Variants in AR observed in about 807,000 individuals in gnomAD.
AR encodes the protein androgen receptor.
A neutral mutation model predicts 53.9 loss-of-function variants in AR; 8 were observed. The observed-to-expected ratio is 0.15, with a 90% CI of 0.09 to 0.27. The LOEUF (loss-of-function observed/expected upper bound fraction) is 0.27. AR is among the 10% of genes least tolerant of loss of function. AR has a pLI of 1.00. For missense variants in AR, 639 were observed against 742.5 expected, an observed-to-expected ratio of 0.86 and a Z score of 1.62; for synonymous variants, 359 against 316.4, an observed-to-expected ratio of 1.13 and a Z score of -1.43.
intron 2 of AR, among the ~76,000 whole-genome samples, chrX:67,678,279 T>G (rs747228164): frequency 8.9e-6 from 1 of 111,856 alleles, no homozygotes; most frequent in South Asian, 3.8e-4. Context: ...TAATTTTATC[T>G]GATTTATATA....
intron 3 of AR, among the ~76,000 whole-genome samples, chrX:67,704,110 G>A (rs1158732302): frequency 1.8e-5 from 2 of 111,863 alleles, no homozygotes; most frequent in Non-Finnish European, 3.8e-5. Context: ...AAACATATGT[G>A]TGCATGTACC....
chrX:67,696,505 A>G lies in AR; in HGVS notation c.1885+10379A>G, dbSNP rs972575302. Among the ~76,000 whole-genome samples, 10 of 111,886 alleles carry G rather than the reference A, an allele frequency of 8.9e-5. No individual in the cohort carries two copies. The Admixed American group carries it at 9.5e-4, about 11-fold the overall frequency. On this transcript the variant is annotated intron_variant, in intron 3 of 7. Coordinates refer to ENST00000374690, the MANE Select transcript of AR (RefSeq NM_000044.6). ...AGCATTGCATATCATTCTATCATTAATTATGTTTACTCCTCCATGAACTAA... is the reference window on the plus strand; with the variant it reads ...AGCATTGCATATCATTCTATCATTAGTTATGTTTACTCCTCCATGAACTAA...
rs1195617565 is a variant in AR at position 67,546,433 on chromosome X, C to T, written c.1287C>T (p.Ala429=). 2 of 1,184,731 alleles carry T rather than the reference C, an allele frequency of 1.7e-6. No individual in the cohort carries two copies. The highest frequency in any genetic ancestry group is 1.1e-6 in the Non-Finnish European group (1 of 882,608). ...GACCCGGTTCTGGGTCACCCTCAGC[C>T]GCCGCTTCCTCATCCTGGCACACTC... ...AAGPGSGSPS[A]AASSSWHTLF... is the part of the protein sequence containing the mutation. Residue 429 remains alanine, a synonymous_variant, in exon 1 of 8, where the codon GCC becomes GCT. Coordinates refer to ENST00000374690, the MANE Select transcript of AR (RefSeq NM_000044.6).
chrX:67,725,443 G>A lies in AR; in HGVS notation c.*1602G>A, dbSNP rs947746884. 15 of 174,124 alleles carry A rather than the reference G, an allele frequency of 8.6e-5. No individual in the cohort carries two copies. Among genetic ancestry groups the A allele is most frequent in the Non-Finnish European group, 1.4e-4 (13 of 91,512 alleles). 14.3% of individuals were successfully genotyped at this position (174,124 alleles called of 1,213,427 possible). ...AGCTAAAGGGGCTACCCAGATCAGG[G>A]TTGAAGAGAAAACTCAATTACCAGG... On this transcript the variant is annotated 3_prime_UTR_variant, in exon 8 of 8. Transcript: ENST00000374690.
At chrX:67,609,062 C>T (rs1923760711) in intron 1 of AR, among the ~76,000 whole-genome samples, 1 of 110,834 alleles carries the variant, frequency 9.0e-6, no homozygotes, top group Admixed American at 9.7e-5. Context: ...AGATATAAGA[C>T]ATTTTCATCA....
rs945635219 is a variant in AR at position 67,617,775 on chromosome X, A to G, written c.1617-25481A>G. Among the ~76,000 whole-genome samples, 50 of 111,632 alleles carry G rather than the reference A, an allele frequency of 4.5e-4. 1 individual carries two copies. The highest frequency in any genetic ancestry group is 1.5e-3 in the African/African-American group (45 of 30,754). On this transcript the variant is annotated intron_variant, in intron 1 of 7. Coordinates refer to ENST00000374690, the MANE Select transcript of AR (RefSeq NM_000044.6). ...ATGCAAAGAGTTAGTGTCAGAATTTATAATGGAATTTCAGGCTCCCAACTC... is the reference window on the plus strand; with the variant it reads ...ATGCAAAGAGTTAGTGTCAGAATTTGTAATGGAATTTCAGGCTCCCAACTC...
chrX:67,676,064 CT>C (rs1226100786), intron 2 of AR, among the ~76,000 whole-genome samples: 1 of 112,065 alleles, frequency 8.9e-6, no homozygotes, highest in Middle Eastern at 4.6e-3. Flanking sequence ...GGTGATAATG[CT>C]TTTGAAAACA....
chrX:67,609,910 A>T (rs1923802238), intron 1 of AR, among the ~76,000 whole-genome samples: 1 of 111,838 alleles, frequency 8.9e-6, no homozygotes, highest in Admixed American at 9.6e-5. Flanking sequence ...AAATTAAATC[A>T]TTTTTCAGTA....
At chrX:67,596,878 A>C (rs1372006116) in intron 1 of AR, among the ~76,000 whole-genome samples, 2 of 111,478 alleles carry the variant, frequency 1.8e-5, no homozygotes, top group Non-Finnish European at 3.8e-5. Flanking sequence ...AGTTCTAGTT[A>C]TCTCTCTCTT....
At chrX:67,555,854 A>G (rs2038306107) in intron 1 of AR, among the ~76,000 whole-genome samples, 1 of 112,609 alleles carries the variant, frequency 8.9e-6, no homozygotes, top group South Asian at 3.7e-4. Flanking sequence ...TGGTTTCAAC[A>G]CACAGCCAAG....
At chrX:67,652,508 G>C (rs1404662274) in intron 2 of AR, among the ~76,000 whole-genome samples, 2 of 112,358 alleles carry the variant, frequency 1.8e-5, no homozygotes, top group Admixed American at 9.4e-5. Flanking sequence ...TCATGGAAAA[G>C]GAAAGTGAGG....
chrX:67,694,825 C>T, intron 3 of AR: 1 of 1,111,321 alleles, frequency 9.0e-7, no homozygotes, highest in Non-Finnish European at 1.2e-6. Flanking sequence ...GGTTTTTGCT[C>T]CTCAACACAG....
chrX:67,714,445 A>G (rs1202903850), intron 4 of AR, among the ~76,000 whole-genome samples: 2 of 111,810 alleles, frequency 1.8e-5, no homozygotes, highest in African/African-American at 6.5e-5. Flanking sequence ...CCTTGCCTAG[A>G]AGCTCATGCA....
Position 67,589,119 on chromosome X carries a change from C to T in AR, c.1616+42357C>T, listed in dbSNP as rs932817812. ...TTTAAGAAGTCCACTGTTAATTAGC[C>T]GGGCGCGGTGGCGGGCGCCTGTAGT... On this transcript the variant is annotated intron_variant, in intron 1 of 7. Transcript: ENST00000374690. 3.6e-5 allele frequency among the ~76,000 whole-genome samples: 4 copies of T among 111,849 alleles called. No individual in the cohort carries two copies. In the Admixed American group the frequency reaches 3.8e-4, roughly 10 times the overall value.
intron 1 of AR, among the ~76,000 whole-genome samples, chrX:67,570,487 A>T (rs1921767858): frequency 8.9e-6 from 1 of 112,107 alleles, no homozygotes; most frequent in Non-Finnish European, 1.9e-5. Flanking sequence ...TGTCTTTATT[A>T]ACAGGACACT....
At chrX:67,696,591 C>T (rs1430438737) in intron 3 of AR, among the ~76,000 whole-genome samples, 3 of 111,970 alleles carry the variant, frequency 2.7e-5, no homozygotes, top group Non-Finnish European at 5.6e-5. Context: ...TATTCTTTTG[C>T]CTGGCCATTT....
chrX:67,613,820 T>A (rs973538239), intron 1 of AR, among the ~76,000 whole-genome samples: 1 of 112,102 alleles, frequency 8.9e-6, no homozygotes, highest in Admixed American at 9.4e-5. Context: ...TCTAGTGGAA[T>A]GGATAACTAT....
Position 67,545,446 on chromosome X carries a change from T to C in AR, c.300T>C (p.His100=), listed in dbSNP as rs751756072. 1.1e-5 allele frequency: 13 copies of C among 1,196,978 alleles called. No individual in the cohort carries two copies. The highest frequency in any genetic ancestry group is 3.6e-5 in the African/African-American group (2 of 55,784). The stretch of plus-strand genomic sequence containing the variant: ...GTGAGGATGGTTCTCCCCAAGCCCA[T>C]CGTAGAGGCCCCACAGGCTACCTGG... ...QQGEDGSPQA[H]RRGPTGYLVL... Residue 100 remains histidine (H), a synonymous_variant, in exon 1 of 8, where the codon CAT becomes CAC. Transcript: ENST00000374690.
chrX:67,568,570 A>G (rs1283894049), intron 1 of AR, among the ~76,000 whole-genome samples: 2 of 111,500 alleles, frequency 1.8e-5, no homozygotes, highest in Non-Finnish European at 3.8e-5. Flanking sequence ...AACTCCAATT[A>G]AAGTGGGAAT....
Sources: gnomAD v4.1 joint callset for allele counts (sites outside exome capture counted in the v4.1 genomes callset) on GRCh38, gnomAD v4.1.1 for gene constraint, MANE v1.5 for transcripts, NCBI Gene and HGNC (gene_info 2026-07-23, HGNC 2026-07-21) for gene names.